Variants in RGS6 observed in about 807,000 individuals in gnomAD.
RGS6 encodes the protein regulator of G-protein signaling 6.
RGS6 carries 30 observed loss-of-function variants against 78.5 expected under a neutral mutation model. The ratio of observed to expected loss-of-function variants is 0.38; its 90% CI spans 0.29 to 0.52. The LOEUF (loss-of-function observed/expected upper bound fraction) is 0.52, where lower values mean the gene tolerates loss of function less well. Among genes scored for constraint, RGS6 ranks in the 20% least tolerant of loss-of-function variants. The pLI is 0.85. For synonymous variants in RGS6, 206 were observed against 206.0 expected, an observed-to-expected ratio of 1.00 and a Z score of 0.00; for missense variants, 495 against 609.7, an observed-to-expected ratio of 0.81 and a Z score of 1.98.
At chr14:72,109,868 G>T (rs928223400) in intron 2 of RGS6, among the ~76,000 whole-genome samples, 1 of 152,138 alleles carries the variant, frequency 6.6e-6, no homozygotes, top group African/African-American at 2.4e-5. Flanking sequence ...AGAGGGAAGT[G>T]ACTTTCCCAA....
At chr14:72,546,157 G>A (rs986490457) in intron 17 of RGS6, among the ~76,000 whole-genome samples, 1 of 152,182 alleles carries the variant, frequency 6.6e-6, no homozygotes, top group Non-Finnish European at 1.5e-5. Context: ...GAGTATGAGA[G>A]ACAGTGTTAT....
At chr14:72,539,279 C>T (rs1167490931) in intron 16 of RGS6, among the ~76,000 whole-genome samples, 1 of 152,172 alleles carries the variant, frequency 6.6e-6, no homozygotes, top group African/African-American at 2.4e-5. Context: ...TCTGAGCTTC[C>T]TCTAGCCTGT....
intron 2 of RGS6, among the ~76,000 whole-genome samples, chr14:72,021,763 C>A (rs562362419): frequency 6.6e-6 from 1 of 151,200 alleles, no homozygotes; most frequent in South Asian, 2.1e-4. Flanking sequence ...TGGGCCACTG[C>A]GCCTGGCCTT....
In RGS6 at chr14:72,241,467, T is replaced by C. The variant is rs111465916; in HGVS notation, c.85-110628T>C. Among the ~76,000 whole-genome samples the C allele has an allele frequency of 8.8e-3, 1,333 of 152,322 alleles. 20 individuals carry two copies. Among genetic ancestry groups the C allele is most frequent in the African/African-American group, 0.03 (1,260 of 41,564 alleles). ...CAAATTCCTTTTTTTCTCTCTCTCTTATTCTAAGAAGGAACAAAAATTGCC... is the reference window on the plus strand; with the variant it reads ...CAAATTCCTTTTTTTCTCTCTCTCTCATTCTAAGAAGGAACAAAAATTGCC... On this transcript the variant is annotated intron_variant, in intron 2 of 17. Transcript: ENST00000553525.
intron 2 of RGS6, among the ~76,000 whole-genome samples, chr14:72,064,498 A>T (rs1474283887): frequency 2.6e-5 from 4 of 152,226 alleles, no homozygotes. Flanking sequence ...GGGTATTCAC[A>T]CTGATATTCT....
intron 3 of RGS6, among the ~76,000 whole-genome samples, chr14:72,398,025 G>T (rs1009460177): frequency 6.6e-6 from 1 of 152,128 alleles, no homozygotes; most frequent in African/African-American, 2.4e-5. Flanking sequence ...TTTATGTGGT[G>T]TCTCTGCCAG....
chr14:72,439,216 G>C (rs2095078148), intron 3 of RGS6, among the ~76,000 whole-genome samples: 1 of 152,210 alleles, frequency 6.6e-6, no homozygotes, highest in Non-Finnish European at 1.5e-5. Flanking sequence ...AGTAAGCTTA[G>C]AGAGGTCAGG....
chr14:72,049,338 G>T (rs919560716), intron 2 of RGS6, among the ~76,000 whole-genome samples: 1 of 152,180 alleles, frequency 6.6e-6, no homozygotes, highest in Non-Finnish European at 1.5e-5. Context: ...GCTGGTTATG[G>T]GATTGGCCCC....
intron 2 of RGS6, among the ~76,000 whole-genome samples, chr14:72,105,257 C>T (rs951438914): frequency 6.6e-6 from 1 of 152,206 alleles, no homozygotes; most frequent in African/African-American, 2.4e-5. Context: ...TCTAATAAAT[C>T]AAATCTTTCC....
At position 72,238,091 on chromosome 14, in the gene RGS6, G is replaced by T. The variant is rs150430268; in HGVS notation, c.85-114004G>T. 3.6e-3 allele frequency among the ~76,000 whole-genome samples: 543 copies of T among 152,290 alleles called. 4 individuals are homozygous for T. The highest frequency in any genetic ancestry group is 0.012 in the African/African-American group (507 of 41,560). On this transcript the variant is annotated intron_variant, in intron 2 of 17. Transcript: ENST00000553525. ...GAAAGGGAGCTGGAAAGGGGATGGT[G>T]CGGGAAGAAGGTGCTCTATCTCTGA...
At chr14:72,215,581 T>C (rs552949245) in intron 2 of RGS6, among the ~76,000 whole-genome samples, 70 of 152,346 alleles carry the variant, frequency 4.6e-4, no homozygotes, top group Non-Finnish European at 6.3e-4. Flanking sequence ...TTCCATTGGC[T>C]GGAACGGGAC....
intron 2 of RGS6, among the ~76,000 whole-genome samples, chr14:71,976,492 A>G (rs2094139307): frequency 1.4e-5 from 2 of 145,290 alleles, no homozygotes; most frequent in Admixed American, 7.2e-5. Context: ...GTTCCCACCT[A>G]TGAGTGAGAA....
intron 2 of RGS6, among the ~76,000 whole-genome samples, chr14:72,071,419 G>T (rs539554229): frequency 1.2e-3 from 182 of 152,258 alleles, no homozygotes; most frequent in African/African-American, 4.4e-3. Flanking sequence ...TATTCCTGGG[G>T]GTAGAATTGA....
chr14:72,596,679 G>T, the RGS6 span, among the ~76,000 whole-genome samples: 3 of 152,168 alleles, frequency 2.0e-5, no homozygotes, highest in Non-Finnish European at 4.4e-5. Context: ...TCAGGCACAG[G>T]TCAAAGAGCC....
At chr14:72,487,229 C>T (rs1031375593) in intron 12 of RGS6, among the ~76,000 whole-genome samples, 15 of 152,318 alleles carry the variant, frequency 9.8e-5, no homozygotes, top group Middle Eastern at 3.4e-3. Flanking sequence ...TAAAACATGG[C>T]GGTGCCATTA....
chr14:72,269,148 C>CT (rs1322027612), intron 2 of RGS6, among the ~76,000 whole-genome samples: 3 of 151,746 alleles, frequency 2.0e-5, no homozygotes, highest in Admixed American at 6.6e-5. Flanking sequence ...CCCCACCACC[C>CT]ACCTTGCTCC....
the RGS6 span, among the ~76,000 whole-genome samples, chr14:71,871,087 G>A: frequency 6.6e-6 from 1 of 152,206 alleles, no homozygotes; most frequent in South Asian, 2.1e-4. Context: ...GAATGGAACA[G>A]CACAGGTAGA....
chr14:72,540,089 A>C lies in RGS6; in HGVS notation c.1417A>C (p.Ser473Arg). 6.3e-7 allele frequency: 1 copy of C among 1,587,924 alleles called. No homozygotes were observed. Among genetic ancestry groups the C allele is most frequent in the Non-Finnish European group, 8.5e-7 (1 of 1,177,136 alleles). ...RRTSLEKFTR[S>R]VGKSLAGKRL... ...AACTTCCCTAGAAAAGTTCACTCGCAGTGTGGTAAGTTCAGTCGGTTTTCT... is the reference window on the plus strand; with the variant it reads ...AACTTCCCTAGAAAAGTTCACTCGCCGTGTGGTAAGTTCAGTCGGTTTTCT... The change falls in exon 17 of 18, where the codon AGT (serine) becomes CGT (arginine). Residue 473 changes from serine (S) to arginine (R), a missense_variant. Ser to Arg is a moderately radical substitution (Grantham distance 110). Transcript: ENST00000553525.
intron 3 of RGS6, among the ~76,000 whole-genome samples, chr14:72,367,825 C>T (rs1044414753): frequency 1.3e-5 from 2 of 152,176 alleles, no homozygotes; most frequent in Non-Finnish European, 2.9e-5. Flanking sequence ...TTGAGCTAGT[C>T]ACCAACCTCT....
Sources: gnomAD v4.1 joint callset for allele counts (sites outside exome capture counted in the v4.1 genomes callset) on GRCh38, gnomAD v4.1.1 for gene constraint, MANE v1.5 for transcripts, NCBI Gene and HGNC (gene_info 2026-07-23, HGNC 2026-07-21) for gene names.